The following APP variants were observed in gnomAD, a reference collection of about 807,000 sequenced individuals.
APP encodes the protein amyloid-beta precursor protein.
APP carries 31 observed loss-of-function variants against 101.4 expected under a neutral mutation model. The observed-to-expected ratio is 0.31, with a 90% confidence interval of 0.23 to 0.41. The LOEUF is 0.41. Ranked by LOEUF, APP falls within the 10% of genes least tolerant of loss-of-function variation. The probability of loss-of-function intolerance (pLI) is 1.00; values close to 1 mark genes in which losing one functional copy is unlikely to be tolerated. For missense variants in APP, 839 were observed against 1,003.7 expected, an observed-to-expected ratio of 0.84 and a Z score of 2.22; for synonymous variants, 366 against 364.4, an observed-to-expected ratio of 1.00 and a Z score of -0.05.
intron 13 of APP, among the ~76,000 whole-genome samples, chr21:25,954,368 A>G (rs753948394): frequency 9.2e-5 from 14 of 152,242 alleles, no homozygotes; most frequent in African/African-American, 1.7e-4. Context: ...ACAAAACTAT[A>G]CCCTAAGTCA....
At chr21:26,035,887 G>T (rs2045085456) in intron 5 of APP, among the ~76,000 whole-genome samples, 1 of 152,196 alleles carries the variant, frequency 6.6e-6, no homozygotes, top group Non-Finnish European at 1.5e-5. Flanking sequence ...GTGCAGAAGA[G>T]ACGATGATGA....
At chr21:25,926,603 G>T (rs759345441) in intron 13 of APP, among the ~76,000 whole-genome samples, 23 of 152,106 alleles carry the variant, frequency 1.5e-4, no homozygotes, top group Admixed American at 7.9e-4. Flanking sequence ...ATCCTGAGAA[G>T]TATACTTAAA....
At chr21:26,076,826 G>A (rs922912580) in intron 3 of APP, among the ~76,000 whole-genome samples, 1 of 152,138 alleles carries the variant, frequency 6.6e-6, no homozygotes, top group Non-Finnish European at 1.5e-5. Context: ...CACTTTGGGA[G>A]GCCGAGGTGG....
At chr21:25,911,634 A>C (rs80307113) in intron 14 of APP, 107 bp downstream of exon 14, 2 of 1,014,742 alleles carry the variant, frequency 2.0e-6, no homozygotes, top group East Asian at 5.2e-5. Flanking sequence ...ATCAAAAAAA[A>C]TTCACCACTC....
chr21:25,907,687 T>A (rs1039092750), intron 14 of APP, among the ~76,000 whole-genome samples: 1 of 152,246 alleles, frequency 6.6e-6, no homozygotes, highest in Non-Finnish European at 1.5e-5. Context: ...TTGAGTCTGT[T>A]ACTTCTGGTA....
intron 11 of APP, among the ~76,000 whole-genome samples, chr21:25,959,940 T>C (rs990064359): frequency 1.3e-5 from 2 of 152,192 alleles, no homozygotes; most frequent in Non-Finnish European, 2.9e-5. Flanking sequence ...TCCTAACTTA[T>C]CCTGAAAATC....
intron 2 of APP, among the ~76,000 whole-genome samples, chr21:26,100,655 A>C (rs1344034331): frequency 6.6e-6 from 1 of 151,600 alleles, no homozygotes; most frequent in African/African-American, 2.4e-5. Context: ...AAAGTTGGGC[A>C]AAGGAAATGG....
chr21:26,154,684 T>A (rs1350362763), intron 1 of APP, among the ~76,000 whole-genome samples: 2 of 152,142 alleles, frequency 1.3e-5, no homozygotes, highest in Admixed American at 1.3e-4. Flanking sequence ...AAGAAAGAGA[T>A]TAGAAGTTAG....
intron 3 of APP, among the ~76,000 whole-genome samples, chr21:26,065,964 ATCT>A (rs2046438180): frequency 6.6e-6 from 1 of 152,192 alleles, no homozygotes; most frequent in Admixed American, 6.5e-5. Flanking sequence ...CTGCAGATTC[ATCT>A]TCTCCCTAGC....
intron 6 of APP, among the ~76,000 whole-genome samples, chr21:26,004,986 CCT>C: frequency 6.6e-6 from 1 of 152,208 alleles, no homozygotes; most frequent in East Asian, 1.9e-4. Context: ...GTGAACTCAT[CCT>C]TTTTTATGGC....
At chr21:26,055,585 A>T (rs2046008097) in intron 3 of APP, among the ~76,000 whole-genome samples, 1 of 152,128 alleles carries the variant, frequency 6.6e-6, no homozygotes, top group South Asian at 2.1e-4. Context: ...TTGGAAGAAT[A>T]CCTGATATCT....
At chr21:25,916,339 TG>T (rs1663751598) in intron 13 of APP, among the ~76,000 whole-genome samples, 2 of 152,146 alleles carry the variant, frequency 1.3e-5, no homozygotes, top group Non-Finnish European at 2.9e-5. Context: ...GTAGACATGA[TG>T]GATTACCATT....
chr21:26,160,285 C>T (rs1055575946), intron 1 of APP, among the ~76,000 whole-genome samples: 2 of 152,196 alleles, frequency 1.3e-5, no homozygotes, highest in African/African-American at 4.8e-5. Flanking sequence ...GTTCTGTAAG[C>T]TGCCTTTACA....
intron 5 of APP, among the ~76,000 whole-genome samples, chr21:26,045,143 G>C (rs940663013): frequency 6.6e-6 from 1 of 152,176 alleles, no homozygotes; most frequent in Non-Finnish European, 1.5e-5. Flanking sequence ...CATTTTAATA[G>C]CTGTTTACAA....
intron 1 of APP, among the ~76,000 whole-genome samples, chr21:26,168,039 G>T (rs1030118673): frequency 1.3e-5 from 2 of 152,138 alleles, no homozygotes; most frequent in African/African-American, 4.8e-5. Context: ...TAAGATGATT[G>T]TGACTAGGTT....
At chr21:26,150,639 A>G (rs969038531) in intron 1 of APP, among the ~76,000 whole-genome samples, 2 of 152,220 alleles carry the variant, frequency 1.3e-5, no homozygotes, top group African/African-American at 4.8e-5. Context: ...ACAGACAGAC[A>G]GACAGATTGA....
intron 5 of APP, among the ~76,000 whole-genome samples, chr21:26,023,818 C>T (rs1037129478): frequency 6.6e-6 from 1 of 152,178 alleles, no homozygotes; most frequent in African/African-American, 2.4e-5. Context: ...TTTCAAATTC[C>T]CAGGTAATAC....
chr21:25,971,054 CT>C (rs977151119), intron 11 of APP, among the ~76,000 whole-genome samples: 181 of 145,704 alleles, frequency 1.2e-3, no homozygotes, highest in African/African-American at 1.2e-3. Context: ...AACAGCGTTT[CT>C]TTTTTTTTTT....
intron 2 of APP, among the ~76,000 whole-genome samples, chr21:26,094,334 C>T (rs1018474465): frequency 6.6e-6 from 1 of 152,032 alleles, no homozygotes; most frequent in African/African-American, 2.4e-5. Flanking sequence ...GGTAACAAAA[C>T]TTCTTCTGAA....
Sources: allele counts gnomAD v4.1 joint callset (sites outside exome capture counted in the v4.1 genomes callset), GRCh38; gene constraint gnomAD v4.1.1; transcripts MANE v1.5; gene names NCBI Gene and HGNC (gene_info 2026-07-23, HGNC 2026-07-21).